The following FAM3D variants were observed in gnomAD, a reference collection of about 807,000 sequenced individuals.
FAM3D encodes protein FAM3D.
FAM3D carries 26 observed loss-of-function variants against 29.8 expected under a neutral mutation model. The observed-to-expected ratio is 0.87, with a 90% CI of 0.64 to 1.21. The LOEUF is 1.21. Among genes scored for constraint, FAM3D ranks in the 50% most tolerant of loss-of-function variants. FAM3D has a pLI of 0.00. For synonymous variants in FAM3D, 115 were observed against 102.3 expected, an observed-to-expected ratio of 1.12 and a Z score of -0.75; for missense variants, 253 against 290.9, an observed-to-expected ratio of 0.87 and a Z score of 0.95.
rs1349589670 is a variant in FAM3D, at chr3:58,635,640, G to A, written c.585+654C>T. On this transcript the variant is annotated intron_variant, in intron 9 of 9. Transcript: ENST00000358781. The surrounding 1 kb of genome is among the most constrained non-coding windows in gnomAD (Gnocchi z 5.2). ...GGACATTCGGGAACCACACCCGGCCGCCCCCGCCCACCGGCCTCCTGCGTT... is the reference window on the plus strand; with the variant it reads ...GGACATTCGGGAACCACACCCGGCCACCCCCGCCCACCGGCCTCCTGCGTT... Among the ~76,000 whole-genome samples, 2 of 152,116 alleles carry A rather than the reference G, an allele frequency of 1.3e-5. No homozygotes were observed. The highest frequency in any genetic ancestry group is 4.2e-4 in the South Asian group (2 of 4,816).
At position 58,650,654 on chromosome 3, in the gene FAM3D, G is replaced by C. The variant is rs371413024; in HGVS notation, c.122-1316C>G. ...AAGCCACAAGATGCCCATAGTGGAC[G>C]ATCAAGACCTCATGTTTTGTTGAAA... On this transcript the variant is annotated intron_variant, in intron 3 of 9. Coordinates refer to ENST00000358781, the MANE Select transcript of FAM3D (RefSeq NM_138805.3). Among the ~76,000 whole-genome samples, 3 of 152,156 alleles carry C rather than the reference G, an allele frequency of 2.0e-5. No individual in the cohort carries two copies. In the East Asian group the frequency reaches 5.8e-4, roughly 29 times the overall value.
intron 1 of FAM3D, among the ~76,000 whole-genome samples, chr3:58,656,071 C>T (rs1265733011): frequency 6.7e-6 from 1 of 148,630 alleles, no homozygotes; most frequent in Admixed American, 6.7e-5. Flanking sequence ...GTCTATTTAG[C>T]CCTCCTTCCC....
At position 58,641,276 on chromosome 3, in the gene FAM3D, CA is replaced by C. The variant is rs1266234362; in HGVS notation, c.323-1100del. ...ACATTTCTAGTCTAGGGAGGTAGTTCAGGTGAATGATTAAGACCTGCAGTTG... is the reference window on the plus strand; with the variant it reads ...ACATTTCTAGTCTAGGGAGGTAGTTCGGTGAATGATTAAGACCTGCAGTTG... On this transcript the variant is annotated intron_variant, in intron 6 of 9. Coordinates refer to ENST00000358781, the MANE Select transcript of FAM3D (RefSeq NM_138805.3). Among the ~76,000 whole-genome samples, 5 of 152,072 alleles carry C rather than the reference CA, an allele frequency of 3.3e-5. No homozygotes were observed. The East Asian group carries it at 9.6e-4, about 29-fold the overall frequency.
Position 58,635,636 on chromosome 3 carries a change from G to A in FAM3D, c.585+658C>T, listed in dbSNP as rs544456940. 6.6e-6 allele frequency among the ~76,000 whole-genome samples: 1 copy of A among 152,092 alleles called. No individual in the cohort carries two copies. Among genetic ancestry groups the A allele is most frequent in the Non-Finnish European group, 1.5e-5 (1 of 68,020 alleles). Reference sequence around the variant, plus strand: ...CACAGGACATTCGGGAACCACACCCGGCCGCCCCCGCCCACCGGCCTCCTG... The same window carrying A: ...CACAGGACATTCGGGAACCACACCCAGCCGCCCCCGCCCACCGGCCTCCTG... On this transcript the variant is annotated intron_variant, in intron 9 of 9. Coordinates refer to ENST00000358781, the MANE Select transcript of FAM3D (RefSeq NM_138805.3). This position sits in a 1 kb window ranked among gnomAD's most constrained non-coding sequence, Gnocchi z 5.2.
chr3:58,651,933 A>G (rs751045877), intron 3 of FAM3D, among the ~76,000 whole-genome samples: 7 of 152,168 alleles, frequency 4.6e-5, no homozygotes, highest in Non-Finnish European at 1.0e-4. Context: ...AGAAGCAAAC[A>G]AGGTAAGGGA....
In FAM3D at chr3:58,649,101, G is replaced by T. The variant is rs534635041; in HGVS notation, c.145+214C>A. ...CTGTGTCTCTACAGTCTGAATGACT[G>T]AGAGGGGGGCCACCCCTGCCACAGG... On this transcript the variant is annotated intron_variant, in intron 4 of 9. Coordinates refer to ENST00000358781, the MANE Select transcript of FAM3D (RefSeq NM_138805.3). 2.0e-5 allele frequency among the ~76,000 whole-genome samples: 3 copies of T among 151,946 alleles called. No individual in the cohort carries two copies. The East Asian group carries it at 5.9e-4, about 30-fold the overall frequency.
chr3:58,651,422 A>G (rs1189837699), intron 3 of FAM3D, among the ~76,000 whole-genome samples: 1 of 152,134 alleles, frequency 6.6e-6, no homozygotes, highest in Non-Finnish European at 1.5e-5. Context: ...CACTGGTTAC[A>G]TTTCCTGCCA....
intron 7 of FAM3D, among the ~76,000 whole-genome samples, chr3:58,639,530 C>T (rs1361490082): frequency 1.3e-5 from 2 of 152,192 alleles, no homozygotes; most frequent in Admixed American, 1.3e-4. Flanking sequence ...TCTCCTGTTG[C>T]CCCTGTCCTC....
At chr3:58,642,806 C>T (rs1559498349) in intron 6 of FAM3D, among the ~76,000 whole-genome samples, 1 of 152,182 alleles carries the variant, frequency 6.6e-6, no homozygotes, top group Non-Finnish European at 1.5e-5. Context: ...CTGCTCAAAG[C>T]CTTTCCGTGG....
intron 3 of FAM3D, among the ~76,000 whole-genome samples, chr3:58,652,338 A>G (rs1256246841): frequency 6.6e-6 from 1 of 152,154 alleles, no homozygotes; most frequent in Non-Finnish European, 1.5e-5. Context: ...TATGCATGTA[A>G]AGCAGCTAGC....
At chr3:58,665,920 C>G (rs1373542410) in intron 1 of FAM3D, among the ~76,000 whole-genome samples, 1 of 152,158 alleles carries the variant, frequency 6.6e-6, no homozygotes, top group Non-Finnish European at 1.5e-5. Context: ...GGGGGATATT[C>G]AGACTCTCTC....
chr3:58,645,786 C>A (rs1412479358), intron 4 of FAM3D, among the ~76,000 whole-genome samples, 160 bp from the exon 5 acceptor site: 1 of 152,222 alleles, frequency 6.6e-6, no homozygotes, highest in African/African-American at 2.4e-5. Flanking sequence ...GGGAGATGTG[C>A]CCTTCTGGGC....
chr3:58,655,689 T>C (rs1295032623), intron 1 of FAM3D, 88 bp from the exon 2 acceptor site: 8 of 1,080,168 alleles, frequency 7.4e-6, no homozygotes, highest in Middle Eastern at 2.1e-4. Context: ...CCTCTAACTG[T>C]GGAGATCATA....
chr3:58,656,203 A>T (rs2066792705), intron 1 of FAM3D, among the ~76,000 whole-genome samples: 1 of 152,066 alleles, frequency 6.6e-6, no homozygotes, highest in Admixed American at 6.6e-5. Context: ...AGTAATCACA[A>T]CTCACGTATT....
intron 3 of FAM3D, among the ~76,000 whole-genome samples, chr3:58,651,738 G>A (rs1184103828): frequency 1.3e-5 from 2 of 150,758 alleles, no homozygotes; most frequent in African/African-American, 2.4e-5. Flanking sequence ...GGACACCCCT[G>A]AGCCTCCTAC....
intron 1 of FAM3D, among the ~76,000 whole-genome samples, chr3:58,659,180 G>C (rs779762013): frequency 6.6e-6 from 1 of 152,198 alleles, no homozygotes; most frequent in Non-Finnish European, 1.5e-5. Flanking sequence ...CGCCGTCCTG[G>C]CAGGGTCCAC....
chr3:58,643,844 C>T (rs1401381515), intron 5 of FAM3D, 124 bp from the exon 6 acceptor site: 4 of 834,664 alleles, frequency 4.8e-6, no homozygotes, highest in Admixed American at 1.9e-5. Flanking sequence ...GAAACACATG[C>T]AATAACTGGG....
intron 1 of FAM3D, among the ~76,000 whole-genome samples, chr3:58,663,399 C>A (rs562217547): frequency 3.3e-5 from 5 of 152,332 alleles, no homozygotes; most frequent in African/African-American, 1.2e-4. Context: ...TGTGAGCCCC[C>A]AGATCTGCCT....
At chr3:58,662,548 A>G (rs902028516) in intron 1 of FAM3D, among the ~76,000 whole-genome samples, 3 of 152,226 alleles carry the variant, frequency 2.0e-5, no homozygotes, top group African/African-American at 7.2e-5. Flanking sequence ...AACTGCATTT[A>G]CCAGTGAGGA....
Sources: allele counts gnomAD v4.1 joint callset (sites outside exome capture counted in the v4.1 genomes callset), GRCh38; gene constraint gnomAD v4.1.1; non-coding constraint Gnocchi (gnomAD v3.1); transcripts MANE v1.5; gene names NCBI Gene and HGNC (gene_info 2026-07-23, HGNC 2026-07-21).